Variants in NRP2 observed in about 807,000 individuals in gnomAD.
NRP2 encodes neuropilin-2.
Under a neutral mutation model 110.4 loss-of-function variants are expected in NRP2, and 52 were observed. That is an observed-to-expected ratio of 0.47 (90% CI 0.38 to 0.59). NRP2 has a LOEUF of 0.59. Among genes scored for constraint, NRP2 ranks in the 20% least tolerant of loss-of-function variants. The probability of loss-of-function intolerance (pLI) is 0.00; values close to 1 mark genes in which losing one functional copy is unlikely to be tolerated. For missense variants in NRP2, 1,049 were observed against 1,203.0 expected, an observed-to-expected ratio of 0.87 and a Z score of 1.89; for synonymous variants, 508 against 468.9, an observed-to-expected ratio of 1.08 and a Z score of -1.08.
chr2:205,748,557 G>A lies in NRP2; in HGVS notation c.1787-1168G>A, dbSNP rs188075315. Among the ~76,000 whole-genome samples the A allele has an allele frequency of 2.5e-3, 388 of 152,344 alleles. 3 individuals carry two copies. Among genetic ancestry groups the A allele is most frequent in the African/African-American group, 8.9e-3 (372 of 41,582 alleles). ...GTTATGTGCGTAGTATTTAATAGCA[G>A]AAAGGTGGGAAGCCGACCGTGAAAA... On this transcript the variant is annotated intron_variant, in intron 10 of 16. Coordinates refer to ENST00000357785, the MANE Select transcript of NRP2 (RefSeq NM_003872.3).
intron 15 of NRP2, among the ~76,000 whole-genome samples, chr2:205,773,617 T>C (rs2058055477): frequency 1.3e-5 from 2 of 152,190 alleles, no homozygotes; most frequent in South Asian, 4.2e-4. Context: ...ATGTAATCCA[T>C]GTACTAGGAT....
chr2:205,689,131 A>G (rs1330955038), intron 1 of NRP2, among the ~76,000 whole-genome samples: 1 of 152,204 alleles, frequency 6.6e-6, no homozygotes, highest in Non-Finnish European at 1.5e-5. Flanking sequence ...GTTTTCAAAC[A>G]GGCAAAATAT....
rs755618203 is a variant in NRP2 at position 205,718,549 on chromosome 2, A to C, written c.433+2175A>C. Among the ~76,000 whole-genome samples the C allele has an allele frequency of 6.5e-4, 99 of 152,194 alleles. 2 individuals are homozygous for C. The highest frequency in any genetic ancestry group is 6.4e-3 in the Admixed American group (98 of 15,284). ...GCCAACAACAGCCACACTCCTGGCA[A>C]TGTAAGAGAGCAGATGAGAGCCCAT... On this transcript the variant is annotated intron_variant, in intron 3 of 16. Transcript: ENST00000357785.
At position 205,795,071 on chromosome 2, in the gene NRP2, G is replaced by GT; in HGVS notation, c.*13_*14insT. 1 of 1,612,102 alleles carries GT rather than the reference G, an allele frequency of 6.2e-7. No homozygotes were observed. Among genetic ancestry groups the GT allele is most frequent in the African/African-American group, 1.3e-5 (1 of 74,996 alleles). On this transcript the variant is annotated 3_prime_UTR_variant, in exon 17 of 17. Transcript: ENST00000357785. ...CTCCGAGGCATGACGGATTGCACCT[G>GT]AATCCTATCTGACGTTTCATTCCAG...
chr2:205,795,871 G>A lies in NRP2; in HGVS notation c.*813G>A, dbSNP rs1415463620. 1.3e-5 allele frequency: 2 copies of A among 152,738 alleles called. No individual in the cohort carries two copies. The highest frequency in any genetic ancestry group is 4.8e-5 in the African/African-American group (2 of 41,580). 9.5% of individuals were successfully genotyped at this position (152,738 alleles called of 1,614,324 possible). The stretch of plus-strand genomic sequence containing the variant: ...GCCATTCGCTAATTCTAGACCCACA[G>A]TGTCTGGTGGTGGGGCTTCCCTTGT... On this transcript the variant is annotated 3_prime_UTR_variant, in exon 17 of 17. Transcript: ENST00000357785.
At chr2:205,724,013 CTGAGCTCTTA>C (rs2057075332) in intron 5 of NRP2, 73 bp downstream of exon 5, 1 of 1,555,312 alleles carries the variant, frequency 6.4e-7, no homozygotes, top group Non-Finnish European at 8.8e-7. Flanking sequence ...TGAAGGGGGG[CTGAGCTCTTA>C]TGAGGGAGGA....
rs540078404 is a variant in NRP2, at chr2:205,697,820, A to G, written c.251+99A>G. 53 of 1,186,678 alleles carry G rather than the reference A, an allele frequency of 4.5e-5. No homozygotes were observed. The African/African-American group carries it at 6.1e-4, about 14-fold the overall frequency. 73.5% of individuals were successfully genotyped at this position (1,186,678 alleles called of 1,614,324 possible). On this transcript the variant is annotated intron_variant, in intron 2 of 16. Coordinates refer to ENST00000357785, the MANE Select transcript of NRP2 (RefSeq NM_003872.3). ...CACTTCTATCACCCCTCACCCCAAGACCTGCTGCTAACCAGTGGTGGATCC... is the reference window on the plus strand; with the variant it reads ...CACTTCTATCACCCCTCACCCCAAGGCCTGCTGCTAACCAGTGGTGGATCC...
intron 1 of NRP2, among the ~76,000 whole-genome samples, chr2:205,684,591 G>T (rs1398365916): frequency 6.6e-6 from 1 of 152,116 alleles, no homozygotes; most frequent in Non-Finnish European, 1.5e-5. Flanking sequence ...ACCACTTTAA[G>T]CTTGGGCATT....
chr2:205,685,601 C>T (rs1436572493), intron 1 of NRP2, among the ~76,000 whole-genome samples: 2 of 152,228 alleles, frequency 1.3e-5, no homozygotes, highest in Non-Finnish European at 2.9e-5. Flanking sequence ...GGCTGGGAGG[C>T]CGCATGGGCG....
At chr2:205,739,840 T>G in intron 7 of NRP2, 1 of 157,790 alleles carries the variant, frequency 6.3e-6, no homozygotes. Flanking sequence ...GATGTATTGG[T>G]CAGATGGGGA....
At chr2:205,794,727 A>G in intron 16 of NRP2, 27 bp from the exon 17 acceptor site, 2 of 1,612,792 alleles carry the variant, frequency 1.2e-6, no homozygotes, top group South Asian at 1.1e-5. Context: ...AGTGCCTGCA[A>G]TCTCTCATGA....
rs962021787 is a variant in NRP2, at chr2:205,757,981, C to T, written c.2044+5006C>T. On this transcript the variant is annotated intron_variant, in intron 12 of 16. Coordinates refer to ENST00000357785, the MANE Select transcript of NRP2 (RefSeq NM_003872.3). ...ATAACGAAGGGGCAGAATGACAAGA[C>T]AGCCTCAATGGCAAAACCTTCATGA... Among the ~76,000 whole-genome samples, 4 of 151,776 alleles carry T rather than the reference C, an allele frequency of 2.6e-5. No homozygotes were observed. The East Asian group carries it at 7.8e-4, about 30-fold the overall frequency.
At chr2:205,740,685 G>C (rs976752358) in intron 8 of NRP2, 22 bp downstream of exon 8, 2 of 1,613,436 alleles carry the variant, frequency 1.2e-6, no homozygotes. Flanking sequence ...GCTCCAATGA[G>C]GTTGGGGTGC....
chr2:205,758,937 G>A (rs1274946201), intron 12 of NRP2, among the ~76,000 whole-genome samples: 1 of 151,656 alleles, frequency 6.6e-6, no homozygotes, highest in Non-Finnish European at 1.5e-5. Flanking sequence ...CACCATACCA[G>A]CTCTTTTGAC....
At chr2:205,728,740 C>CACA (rs2057178919) in intron 7 of NRP2, among the ~76,000 whole-genome samples, 1 of 152,216 alleles carries the variant, frequency 6.6e-6, no homozygotes, top group Admixed American at 6.5e-5. Flanking sequence ...AGGCGATGTG[C>CACA]TGGCTCTATG....
At chr2:205,747,740 C>T (rs1373804902) in intron 10 of NRP2, among the ~76,000 whole-genome samples, 2 of 152,196 alleles carry the variant, frequency 1.3e-5, no homozygotes, top group Non-Finnish European at 2.9e-5. Flanking sequence ...CCACCTCATT[C>T]TTCCCCCCAT....
At chr2:205,762,162 T>A (rs960387631) in intron 12 of NRP2, 2 of 152,208 alleles carry the variant, frequency 1.3e-5, no homozygotes, top group Non-Finnish European at 2.9e-5. Flanking sequence ...TAGACAGATG[T>A]GGCTTTGGAT....
chr2:205,696,644 G>GCTGT (rs969578945), intron 1 of NRP2, among the ~76,000 whole-genome samples: 33 of 152,332 alleles, frequency 2.2e-4, no homozygotes, highest in Admixed American at 2.2e-3. Context: ...GCCACATGAA[G>GCTGT]CTGTCTGCCT....
At chr2:205,736,505 C>T (rs1385048905) in intron 7 of NRP2, among the ~76,000 whole-genome samples, 1 of 152,140 alleles carries the variant, frequency 6.6e-6, no homozygotes, top group Non-Finnish European at 1.5e-5. Context: ...AATTGTTGGC[C>T]TGAAGGTGGG....
Sources: allele counts gnomAD v4.1 joint callset (sites outside exome capture counted in the v4.1 genomes callset), GRCh38; gene constraint gnomAD v4.1.1; transcripts MANE v1.5; gene names NCBI Gene and HGNC (gene_info 2026-07-23, HGNC 2026-07-21).